Variants in N4BP2 observed in about 807,000 individuals in gnomAD.
N4BP2 encodes the protein NEDD4 binding protein 2.
N4BP2 carries 91 observed loss-of-function variants against 152.8 expected under a neutral mutation model. That is an observed-to-expected ratio of 0.60 (90% CI 0.50 to 0.71). The LOEUF (loss-of-function observed/expected upper bound fraction) is 0.71. N4BP2 is among the 30% of genes least tolerant of loss of function. The pLI is 0.00. For synonymous variants in N4BP2, 646 were observed against 705.3 expected, an observed-to-expected ratio of 0.92 and a Z score of 1.33; for missense variants, 1,923 against 2,059.1, an observed-to-expected ratio of 0.93 and a Z score of 1.28.
intron 5 of N4BP2, among the ~76,000 whole-genome samples, chr4:40,107,333 C>T (rs1319886938): frequency 6.6e-6 from 1 of 151,990 alleles, no homozygotes; most frequent in African/African-American, 2.4e-5. Flanking sequence ...CTCTTAGCCT[C>T]CCAAAGTGCT....
At chr4:40,087,217 C>T (rs941520999) in intron 2 of N4BP2, among the ~76,000 whole-genome samples, 3 of 151,978 alleles carry the variant, frequency 2.0e-5, no homozygotes, top group Non-Finnish European at 4.4e-5. Flanking sequence ...CCTCCTTGCC[C>T]CTTTCTTTCT....
intron 5 of N4BP2, among the ~76,000 whole-genome samples, chr4:40,108,796 G>A (rs1716574694): frequency 6.6e-6 from 1 of 151,490 alleles, no homozygotes; most frequent in African/African-American, 2.4e-5. Flanking sequence ...ATCTTGTTAA[G>A]ATATAGGGAC....
At chr4:40,148,076 G>A (rs1434745811) in intron 16 of N4BP2, among the ~76,000 whole-genome samples, 2 of 152,222 alleles carry the variant, frequency 1.3e-5, no homozygotes, top group Admixed American at 1.3e-4. Flanking sequence ...GCAATCTCCG[G>A]CACTTTGGGA....
intron 16 of N4BP2, among the ~76,000 whole-genome samples, chr4:40,148,432 G>A (rs1272411357): frequency 2.0e-5 from 3 of 148,550 alleles, no homozygotes; most frequent in African/African-American, 7.3e-5. Context: ...GCATCAGAGG[G>A]AGACCGTGGA....
intron 7 of N4BP2, among the ~76,000 whole-genome samples, chr4:40,117,109 G>A (rs1406711429): frequency 3.9e-5 from 6 of 152,048 alleles, no homozygotes; most frequent in African/African-American, 1.4e-4. Flanking sequence ...GAAATTAAGG[G>A]ATTGGTGTTT....
chr4:40,106,029 T>G (rs1321791810), intron 4 of N4BP2, among the ~76,000 whole-genome samples: 6 of 152,202 alleles, frequency 3.9e-5, no homozygotes, highest in African/African-American at 1.4e-4. Flanking sequence ...TTCATTGATG[T>G]ATGCTCAGTG....
chr4:40,057,648 A>C (rs1733312079), intron 1 of N4BP2, among the ~76,000 whole-genome samples: 1 of 150,926 alleles, frequency 6.6e-6, no homozygotes. Flanking sequence ...CCTCAATGGG[A>C]CCCTTCTAGA....
In N4BP2 at chr4:40,152,822, C is replaced by T. The variant is rs751476299; in HGVS notation, c.5186C>T (p.Thr1729Met). The T allele has an allele frequency of 7.4e-6, 12 of 1,613,798 alleles. No homozygotes were observed. The African/African-American group carries it at 8.0e-5, about 11-fold the overall frequency. Residue 1729 changes from threonine (T) to methionine (M), a missense_variant, in exon 17 of 18, where the codon ACG becomes ATG. Thr to Met is a moderately conservative substitution (Grantham distance 81). Transcript: ENST00000261435. ...NGGKPYLSVI[T>M]GRGNHSQGGV... is the part of the protein sequence containing the mutation. The stretch of plus-strand genomic sequence containing the variant: ...GGGAAGCCCTATTTGTCTGTGATTA[C>T]GGGGAGAGGAAACCACAGCCAGGGA...
chr4:40,162,053 C>G (rs971718965), downstream of N4BP2, among the ~76,000 whole-genome samples: 1 of 152,168 alleles, frequency 6.6e-6, no homozygotes, highest in East Asian at 1.9e-4. Context: ...TGAGCCGTAC[C>G]AGTGGATAGA....
intron 16 of N4BP2, among the ~76,000 whole-genome samples, chr4:40,150,249 CCAAAT>C (rs1721023945): frequency 6.6e-6 from 1 of 152,194 alleles, no homozygotes; most frequent in Admixed American, 6.5e-5. Flanking sequence ...ATTTTTGCCT[CCAAAT>C]CAAACTAGGA....
intron 16 of N4BP2, among the ~76,000 whole-genome samples, chr4:40,149,820 C>T (rs1325164788): frequency 1.3e-5 from 2 of 150,212 alleles, no homozygotes; most frequent in African/African-American, 4.9e-5. Flanking sequence ...TGGTGTGAAC[C>T]AGGGAGGCGA....
rs377220524 is a variant in N4BP2 at position 40,119,881 on chromosome 4, A to G, written c.1821-51A>G. Reference sequence around the variant, plus strand: ...AATGCTTCTTTAAATCATAGTATTGATGGCAGCATTAAGAGACTTTCTCAT... The same window carrying G: ...AATGCTTCTTTAAATCATAGTATTGGTGGCAGCATTAAGAGACTTTCTCAT... On this transcript the variant is annotated intron_variant, in intron 8 of 17. Coordinates refer to ENST00000261435, the MANE Select transcript of N4BP2 (RefSeq NM_018177.6). The G allele has an allele frequency of 8.4e-6, 7 of 833,684 alleles. No individual in the cohort carries two copies. The African/African-American group carries it at 1.2e-4, about 14-fold the overall frequency. The allele number at this position is 833,684 out of a possible 1,614,324, so 51.6% of individuals were successfully genotyped here. A position where few individuals can be genotyped will look rare whatever the true frequency, so the allele number is the denominator to read the frequency against.
chr4:40,182,028 C>G, the N4BP2 span, among the ~76,000 whole-genome samples: 1 of 152,142 alleles, frequency 6.6e-6, no homozygotes, highest in African/African-American at 2.4e-5. Context: ...TTGCTTACAC[C>G]CCATTACCCA....
intron 14 of N4BP2, among the ~76,000 whole-genome samples, chr4:40,138,951 A>G (rs1420710271): frequency 1.3e-5 from 2 of 152,180 alleles, no homozygotes; most frequent in African/African-American, 4.8e-5. Context: ...TTAGTTTGTG[A>G]ATTTCTGCAA....
intron 14 of N4BP2, chr4:40,142,232 T>G (rs1720078469): frequency 3.5e-6 from 1 of 285,594 alleles, no homozygotes; most frequent in Non-Finnish European, 7.0e-6. Flanking sequence ...ATCTGTAGTT[T>G]CAAAACTCAG....
Position 40,102,462 on chromosome 4 carries a change from C to A in N4BP2, c.617C>A (p.Ser206Tyr), listed in dbSNP as rs763510266. Reference sequence around the variant, plus strand: ...TTGAACGGTGAAAATTTAGAGAATTCTGGTTCTACTTTAAGTTTAAACCCA... The same window carrying A: ...TTGAACGGTGAAAATTTAGAGAATTATGGTTCTACTTTAAGTTTAAACCCA... ...MNLNGENLEN[S>Y]GSTLSLNPLP... The change falls in exon 4 of 18, where the codon TCT (serine) becomes TAT (tyrosine). Residue 206 changes from serine (S) to tyrosine (Y), a missense_variant. By Grantham distance (144) the Ser-to-Tyr change is moderately radical. Coordinates refer to ENST00000261435, the MANE Select transcript of N4BP2 (RefSeq NM_018177.6). 3.6e-5 allele frequency: 58 copies of A among 1,613,480 alleles called. No homozygotes were observed. The highest frequency in any genetic ancestry group is 4.8e-5 in the Non-Finnish European group (57 of 1,179,844).
In N4BP2 at chr4:40,141,772, C is replaced by T. The variant is rs556232118; in HGVS notation, c.4786-901C>T. ...TGGAGGTTGTAGCGAGCCGAGATCA[C>T]GCCACTGCACTCCAGCCTGGGCAAC... On this transcript the variant is annotated intron_variant, in intron 14 of 17. Transcript: ENST00000261435. Among the ~76,000 whole-genome samples, 37 of 152,310 alleles carry T rather than the reference C, an allele frequency of 2.4e-4. 1 individual carries two copies. The South Asian group carries it at 4.1e-3, about 17-fold the overall frequency.
chr4:40,086,809 G>A (rs934285279), intron 2 of N4BP2, among the ~76,000 whole-genome samples: 6 of 151,974 alleles, frequency 3.9e-5, no homozygotes. Flanking sequence ...ATGTAGTGGT[G>A]CGATCAGAGC....
chr4:40,131,568 T>TTGTG lies in N4BP2; in HGVS notation c.4528-221_4528-218dup, dbSNP rs60430101. Among the ~76,000 whole-genome samples the TTGTG allele has an allele frequency of 7.6e-4, 116 of 151,712 alleles. 3 individuals carry two copies. Among genetic ancestry groups the TTGTG allele is most frequent in the Non-Finnish European group, 6.3e-4 (43 of 67,842 alleles). On this transcript the variant is annotated intron_variant, in intron 12 of 17. Transcript: ENST00000261435. Reference sequence around the variant, plus strand: ...CCCACACATACATGTATACATGTGATTGTGTGTGTGTGTGTATATTTATAA... The same window carrying TTGTG: ...CCCACACATACATGTATACATGTGATTGTGTGTGTGTGTGTGTGTATATTTATAA...
Sources: allele counts gnomAD v4.1 joint callset (sites outside exome capture counted in the v4.1 genomes callset), GRCh38; gene constraint gnomAD v4.1.1; transcripts MANE v1.5; gene names NCBI Gene and HGNC (gene_info 2026-07-23, HGNC 2026-07-21).